ANO2: variants seen among roughly 807,000 people sequenced by gnomAD.
ANO2 encodes anoctamin-2.
In ANO2, 101 loss-of-function variants were observed where a neutral mutation model predicts 124.2. The observed-to-expected ratio is 0.81, with a 90% CI of 0.69 to 0.96. The LOEUF (loss-of-function observed/expected upper bound fraction) is 0.96, where lower values mean the gene tolerates loss of function less well. Among genes scored for constraint, ANO2 ranks in the 40% least tolerant of loss-of-function variants. The pLI is 0.00. For missense variants in ANO2, 1,293 were observed against 1,274.5 expected (o/e 1.01, Z -0.22); for synonymous variants, 486 against 482.5 (o/e 1.01, Z -0.09).
intron 14 of ANO2, among the ~76,000 whole-genome samples, chr12:5,648,529 G>A (rs866292223): frequency 1.3e-5 from 2 of 152,194 alleles, no homozygotes; most frequent in African/African-American, 4.8e-5. Flanking sequence ...AGTAACCAGA[G>A]TCCTCCTTCA....
chr12:5,886,216 G>T (rs76769226), intron 3 of ANO2, among the ~76,000 whole-genome samples: 3,927 of 152,116 alleles, frequency 0.026, 147 homozygotes, highest in African/African-American at 0.09. Context: ...AATAGCCAAG[G>T]CAAATGGAAG....
At chr12:5,853,795 G>A (rs1275518666) in intron 4 of ANO2, among the ~76,000 whole-genome samples, 1 of 152,052 alleles carries the variant, frequency 6.6e-6, no homozygotes, top group African/African-American at 2.4e-5. Context: ...CAGGGACAAT[G>A]TGTTGCTTCT....
chr12:5,705,851 T>C (rs1290860139), intron 14 of ANO2, among the ~76,000 whole-genome samples: 1 of 152,190 alleles, frequency 6.6e-6, no homozygotes. Context: ...CTGTTCCAAC[T>C]CCCTTCTTTC....
At chr12:5,669,795 C>T (rs1400062801) in intron 14 of ANO2, among the ~76,000 whole-genome samples, 2 of 152,192 alleles carry the variant, frequency 1.3e-5, no homozygotes, top group Admixed American at 1.3e-4. Flanking sequence ...CATCACTCTC[C>T]ACTCTATGTC....
At chr12:5,938,796 G>A (rs1942764658) in intron 1 of ANO2, among the ~76,000 whole-genome samples, 1 of 152,008 alleles carries the variant, frequency 6.6e-6, no homozygotes, top group Admixed American at 6.6e-5. Flanking sequence ...TTGCACTTCA[G>A]CCTGGGCGAC....
intron 20 of ANO2, among the ~76,000 whole-genome samples, chr12:5,586,998 A>G (rs1355545525): frequency 3.3e-5 from 5 of 152,206 alleles, no homozygotes; most frequent in African/African-American, 4.8e-5. Flanking sequence ...AGGTTGTCCC[A>G]ACTAAATCAA....
chr12:5,857,436 G>C (rs1955132014), intron 3 of ANO2, among the ~76,000 whole-genome samples: 1 of 152,092 alleles, frequency 6.6e-6, no homozygotes. Context: ...TTTCGTTTTT[G>C]AGGGACCTCC....
At chr12:5,808,156 T>A (rs1953261975) in intron 7 of ANO2, among the ~76,000 whole-genome samples, 1 of 152,230 alleles carries the variant, frequency 6.6e-6, no homozygotes, top group South Asian at 2.1e-4. Context: ...CAATAATTTT[T>A]AAAAGTGTGA....
intron 3 of ANO2, among the ~76,000 whole-genome samples, chr12:5,888,289 C>T (rs972149069): frequency 3.3e-5 from 5 of 152,062 alleles, no homozygotes; most frequent in African/African-American, 1.2e-4. Flanking sequence ...TGCAGACCTT[C>T]GCGGTGAGCG....
intron 11 of ANO2, 23 bp downstream of exon 11, chr12:5,750,813 C>T (rs1339872835): frequency 1.2e-5 from 20 of 1,604,116 alleles, no homozygotes; most frequent in Non-Finnish European, 1.6e-5. Context: ...GCAACTGAGC[C>T]CTTTTCTTTA....
intron 3 of ANO2, among the ~76,000 whole-genome samples, chr12:5,865,420 TACCATCAAGAATTCAC>T (rs1359452512): frequency 7.1e-6 from 1 of 140,602 alleles, no homozygotes. Flanking sequence ...CATGAATTCA[TACCATCAAGAATTCAC>T]ACCATCATGC....
At chr12:5,733,092 A>G in intron 13 of ANO2, 2 of 614,806 alleles carry the variant, frequency 3.3e-6, no homozygotes, top group Non-Finnish European at 5.9e-6. Flanking sequence ...AGTGAGGGCA[A>G]CAACAAAACT....
At chr12:5,879,909 AT>A (rs749105132) in intron 3 of ANO2, among the ~76,000 whole-genome samples, 14 of 152,354 alleles carry the variant, frequency 9.2e-5, no homozygotes, top group Non-Finnish European at 1.8e-4. Context: ...GCTTAATCAG[AT>A]TTGCATTTGG....
chr12:5,640,053 A>G (rs1422493759), intron 15 of ANO2, among the ~76,000 whole-genome samples: 1 of 152,166 alleles, frequency 6.6e-6, no homozygotes, highest in Non-Finnish European at 1.5e-5. Context: ...TCAAAAAGGA[A>G]ACTTTAGCTG....
chr12:5,648,608 A>C (rs1946761681), intron 14 of ANO2, among the ~76,000 whole-genome samples: 1 of 152,230 alleles, frequency 6.6e-6, no homozygotes, highest in South Asian at 2.1e-4. Flanking sequence ...AATGGTAAAC[A>C]GCTCTGCTAA....
At chr12:5,603,731 G>A (rs1944057260) in intron 19 of ANO2, among the ~76,000 whole-genome samples, 2 of 151,988 alleles carry the variant, frequency 1.3e-5, no homozygotes, top group South Asian at 4.1e-4. Context: ...AGATCACGAG[G>A]TCAGGAGATC....
chr12:5,905,142 G>C (rs1280980339), intron 3 of ANO2, among the ~76,000 whole-genome samples: 2 of 152,156 alleles, frequency 1.3e-5, no homozygotes, highest in East Asian at 1.9e-4. Context: ...GGTTCCCAGG[G>C]GGGTGAGGCT....
In ANO2 at chr12:5,563,389, T is replaced by A; in HGVS notation, c.2907A>T (p.Arg969=). ...PALRSPGGGD[R]SRSRAASSAP... ...CTGAGCTGGCTGCCCGGCTCCTGCT[T>A]CGATCCCCACCTCCTGGGCTCCTCA... Residue 969 remains arginine, a synonymous_variant, in exon 25 of 25, where the codon CGA becomes CGT. Transcript: ENST00000682330. 1 of 1,608,006 alleles carries A rather than the reference T, an allele frequency of 6.2e-7. No homozygotes were observed. Among genetic ancestry groups the A allele is most frequent in the Non-Finnish European group, 8.5e-7 (1 of 1,177,610 alleles).
chr12:5,775,539 G>A (rs928969311), intron 10 of ANO2, among the ~76,000 whole-genome samples: 2 of 146,854 alleles, frequency 1.4e-5, no homozygotes, highest in Non-Finnish European at 3.0e-5. Context: ...TTGGCTCACT[G>A]CAAGCTCCGC....
Sources: allele counts gnomAD v4.1 joint callset (sites outside exome capture counted in the v4.1 genomes callset), GRCh38; gene constraint gnomAD v4.1.1; transcripts MANE v1.5; gene names NCBI Gene and HGNC (gene_info 2026-07-23, HGNC 2026-07-21).